Variants in ZNF107 observed in about 807,000 individuals in gnomAD.
ZNF107 encodes the protein C2H2 type zinc-finger protein.
A neutral mutation model predicts 12.3 loss-of-function variants in ZNF107; 19 were observed. The observed-to-expected ratio is 1.55, with a 90% CI of 1.08 to 2.27. ZNF107 has a LOEUF of 2.27. ZNF107 is among the 30% of genes most tolerant of loss of function. The pLI, the probability that ZNF107 is intolerant of heterozygous loss-of-function variation, is 0.00. For missense variants in ZNF107, 958 were observed against 979.9 expected (o/e 0.98, Z 0.30); for synonymous variants, 317 against 330.5 (o/e 0.96, Z 0.44).
intron 1 of ZNF107, chr7:64,689,702 C>T (rs1040158990): frequency 1.3e-5 from 2 of 152,550 alleles, no homozygotes; most frequent in Non-Finnish European, 2.9e-5. Flanking sequence ...CCTTGGCCAT[C>T]AGCCCAGGGT....
chr7:64,699,052 A>G (rs1326993685), intron 3 of ZNF107, among the ~76,000 whole-genome samples: 1 of 152,036 alleles, frequency 6.6e-6, no homozygotes, highest in Non-Finnish European at 1.5e-5. Context: ...TGTCTGTGTC[A>G]GTACCACATT....
chr7:64,700,506 C>CTTTTTTTTTTTTTTTT lies in ZNF107; in HGVS notation c.227-5804_227-5789dup, dbSNP rs141980471. On this transcript the variant is annotated intron_variant, in intron 3 of 3. Coordinates refer to ENST00000620827, the MANE Select transcript of ZNF107 (RefSeq NM_001282359.2). Reference sequence around the variant, plus strand: ...GTCTGTCAAACCAAGCCAAATAAACCTTTTTTTTTTTTTTTTTTTTTTTTT... The same window carrying CTTTTTTTTTTTTTTTT: ...GTCTGTCAAACCAAGCCAAATAAACCTTTTTTTTTTTTTTTTTTTTTTTTTTTTTTTTTTTTTTTTT... 7.5e-5 allele frequency among the ~76,000 whole-genome samples: 5 copies of CTTTTTTTTTTTTTTTT among 66,226 alleles called. 1 individual carries two copies. Among genetic ancestry groups the CTTTTTTTTTTTTTTTT allele is most frequent in the African/African-American group, 2.5e-4 (4 of 16,216 alleles). The allele number at this position is 66,226 out of a possible 152,430, so 43.4% of individuals were successfully genotyped here. A position where few individuals can be genotyped will look rare whatever the true frequency, so the allele number is the denominator to read the frequency against.
chr7:64,678,317 A>T (rs2128957886), intron 1 of ZNF107, among the ~76,000 whole-genome samples: 1 of 152,352 alleles, frequency 6.6e-6, no homozygotes, highest in South Asian at 2.1e-4. Context: ...TTTGACAGAA[A>T]ATGGATTATC....
chr7:64,697,479 G>A (rs887102431), intron 3 of ZNF107, among the ~76,000 whole-genome samples: 2 of 152,082 alleles, frequency 1.3e-5, no homozygotes, highest in Admixed American at 6.6e-5. Flanking sequence ...TCCAGCACCT[G>A]TTGTATGTAT....
intron 3 of ZNF107, among the ~76,000 whole-genome samples, chr7:64,693,428 A>G (rs1483298293): frequency 6.6e-6 from 1 of 151,796 alleles, no homozygotes; most frequent in Non-Finnish European, 1.5e-5. Flanking sequence ...AATTTGAAAG[A>G]GCAAAAACCT....
intron 1 of ZNF107, among the ~76,000 whole-genome samples, chr7:64,689,035 A>G (rs1790025475): frequency 6.6e-6 from 1 of 151,952 alleles, no homozygotes; most frequent in South Asian, 2.1e-4. Context: ...TGGCAACATG[A>G]ATCTTTGATC....
intron 1 of ZNF107, among the ~76,000 whole-genome samples, chr7:64,672,088 C>T (rs753320674): frequency 8.6e-5 from 13 of 151,984 alleles, no homozygotes; most frequent in South Asian, 2.1e-4. Context: ...GCCCGGCTGG[C>T]GACCCTTTTT....
intron 3 of ZNF107, among the ~76,000 whole-genome samples, chr7:64,701,595 ATTTTC>A (rs2128966694): frequency 6.7e-6 from 1 of 150,206 alleles, no homozygotes; most frequent in African/African-American, 2.4e-5. Flanking sequence ...TCATTCAGGT[ATTTTC>A]TTTTTTTTTT....
intron 1 of ZNF107, among the ~76,000 whole-genome samples, chr7:64,688,940 C>G (rs1790020781): frequency 6.6e-6 from 1 of 152,004 alleles, no homozygotes; most frequent in African/African-American, 2.4e-5. Context: ...TTCTGACAAA[C>G]AACTTTGTAT....
rs566620769 is a variant in ZNF107 at position 64,706,750 on chromosome 7, A to T, written c.653A>T (p.Lys218Ile). The T allele has an allele frequency of 2.1e-4, 336 of 1,612,828 alleles. 2 individuals are homozygous for T. The South Asian group carries it at 3.4e-3, about 16-fold the overall frequency. The change falls in exon 4 of 4, where the codon AAA becomes ATA. Residue 218 changes from lysine (K) to isoleucine (I), a missense_variant. Lys to Ile is a moderately radical substitution (Grantham distance 102). Transcript: ENST00000620827. ...KAFNWFSTLT[K>I]HKRIHTGEKP... ...TTTAACTGGTTCTCAACTCTTACTAAACATAAGAGAATTCATACTGGAGAA... is the reference window on the plus strand; with the variant it reads ...TTTAACTGGTTCTCAACTCTTACTATACATAAGAGAATTCATACTGGAGAA...
Position 64,708,428 on chromosome 7 carries a change from T to A in ZNF107, c.2331T>A (p.Thr777=), listed in dbSNP as rs4718103. The change falls in exon 4 of 4, where the codon ACT becomes ACA. Residue 777 remains threonine (T), a synonymous_variant. Transcript: ENST00000620827. ...CTTTTAACCAATCCTCAAACCTTAC[T>A]ACACATAAGAAAATTCATACTTCAG... is the stretch of plus-strand genomic sequence containing the variant. ...GKAFNQSSNL[T]THKKIHTSEK... is the part of the protein sequence containing the mutation. 1.9e-6 allele frequency: 3 copies of A among 1,612,500 alleles called. No individual in the cohort carries two copies. The highest frequency in any genetic ancestry group is 1.7e-6 in the Non-Finnish European group (2 of 1,179,450).
chr7:64,705,656 A>G (rs1192832705), intron 3 of ZNF107, among the ~76,000 whole-genome samples: 1 of 150,528 alleles, frequency 6.6e-6, no homozygotes, highest in Non-Finnish European at 1.5e-5. Context: ...AGAGTCTTTC[A>G]GACATGTTCT....
Position 64,711,291 on chromosome 7 carries a change from CTT to C in ZNF107, c.*2636_*2637del, listed in dbSNP as rs1220181284. ...ATTTTTATTCTTTTTAAAATTTAAA[CTT>C]ATTTCTCTTAATTTTTGTGGATACA... On this transcript the variant is annotated 3_prime_UTR_variant, in exon 4 of 4. Transcript: ENST00000620827. The C allele has an allele frequency of 6.6e-6, 1 of 152,046 alleles. No individual in the cohort carries two copies. Among genetic ancestry groups the C allele is most frequent in the Non-Finnish European group, 1.5e-5 (1 of 67,962 alleles). 9.4% of individuals were successfully genotyped at this position (152,046 alleles called of 1,614,324 possible). A position where few individuals can be genotyped will look rare whatever the true frequency, so the allele number is the denominator to read the frequency against.
Position 64,709,726 on chromosome 7 carries a change from A to G in ZNF107, c.*1070A>G, listed in dbSNP as rs975305298. The G allele has an allele frequency of 7.0e-5, 32 of 455,824 alleles. No homozygotes were observed. The highest frequency in any genetic ancestry group is 6.9e-5 in the East Asian group (1 of 14,396). 28.2% of individuals were successfully genotyped at this position (455,824 alleles called of 1,614,324 possible). A position where few individuals can be genotyped will look rare whatever the true frequency, so the allele number is the denominator to read the frequency against. On this transcript the variant is annotated 3_prime_UTR_variant, in exon 4 of 4. Coordinates refer to ENST00000620827, the MANE Select transcript of ZNF107 (RefSeq NM_001282359.2). ...ATACAAGGAATGTGGAAAAGCCATT[A>G]TTATCTGCTCAGATTTTACTCAACA...
chr7:64,697,004 T>G (rs1290712684), intron 3 of ZNF107, among the ~76,000 whole-genome samples: 1 of 151,814 alleles, frequency 6.6e-6, no homozygotes. Context: ...TGTGTGATGT[T>G]CCCCTTCCTG....
chr7:64,709,511 T>C lies in ZNF107; in HGVS notation c.*855T>C, dbSNP rs1790813724. ...AACACCTCGAACTTTCTAACATAAA[T>C]CATACTGGTGAAAAATCCTAGAAAT... On this transcript the variant is annotated 3_prime_UTR_variant, in exon 4 of 4. Transcript: ENST00000620827. 1 of 354,126 alleles carries C rather than the reference T, an allele frequency of 2.8e-6. No homozygotes were observed. Among genetic ancestry groups the C allele is most frequent in the South Asian group, 2.1e-5 (1 of 46,518 alleles). 21.9% of individuals were successfully genotyped at this position (354,126 alleles called of 1,614,324 possible). A position where few individuals can be genotyped will look rare whatever the true frequency, so the allele number is the denominator to read the frequency against.
At chr7:64,666,394 T>C in intron 1 of ZNF107, 109 bp downstream of exon 1, 1 of 1,459,424 alleles carries the variant, frequency 6.9e-7, no homozygotes, top group Non-Finnish European at 9.3e-7. Flanking sequence ...CCCCAAGTTC[T>C]CCTTGGCGCA....
intron 2 of ZNF107, 77 bp downstream of exon 2, chr7:64,691,451 G>C (rs17779754): frequency 0.41 from 507,583 of 1,223,374 alleles, 109,318 homozygotes; most frequent in South Asian, 0.52. Context: ...CTGTTTTCTG[G>C]TAATTTATGC....
chr7:64,707,845 A>C lies in ZNF107; in HGVS notation c.1748A>C (p.His583Pro). Residue 583 changes from histidine to proline, a missense_variant, in exon 4 of 4, where the codon CAT becomes CCT. By Grantham distance (77) the His-to-Pro change is moderately conservative. Coordinates refer to ENST00000620827, the MANE Select transcript of ZNF107 (RefSeq NM_001282359.2). The stretch of plus-strand genomic sequence containing the variant: ...AATCAATCCTATCAACTTACTAGAC[A>C]TAAGATAGTTCATACTAAAGAGAAA... The part of the protein sequence containing the change: ...AFNQSYQLTR[H>P]KIVHTKEKLN... 2.5e-6 allele frequency: 4 copies of C among 1,613,494 alleles called. No individual in the cohort carries two copies. The highest frequency in any genetic ancestry group is 3.4e-6 in the Non-Finnish European group (4 of 1,179,716).
Sources: allele counts gnomAD v4.1 joint callset (sites outside exome capture counted in the v4.1 genomes callset), GRCh38; gene constraint gnomAD v4.1.1; transcripts MANE v1.5; gene names NCBI Gene and HGNC (gene_info 2026-07-23, HGNC 2026-07-21).